The following DLGAP1 variants were observed in gnomAD, a reference collection of about 807,000 sequenced individuals.
DLGAP1 encodes the protein DLG associated protein 1, also known as disks large-associated protein 1.
DLGAP1 carries 11 observed loss-of-function variants against 90.8 expected under a neutral mutation model. That is an observed-to-expected ratio of 0.12 (90% CI 0.08 to 0.20). The LOEUF is 0.20. Ranked by LOEUF, DLGAP1 falls within the 10% of genes least tolerant of loss-of-function variation. The pLI, the probability that DLGAP1 is intolerant of heterozygous loss-of-function variation, is 1.00. For synonymous variants in DLGAP1, 558 were observed against 540.7 expected (o/e 1.03, Z -0.44); for missense variants, 1,050 against 1,333.8 (o/e 0.79, Z 3.31).
intron 3 of DLGAP1, among the ~76,000 whole-genome samples, chr18:3,941,885 T>A (rs1003095068): frequency 6.6e-6 from 1 of 152,130 alleles, no homozygotes; most frequent in Non-Finnish European, 1.5e-5. Context: ...GCTAATTTTT[T>A]AAATTTTTTG....
chr18:3,845,248 C>T lies in DLGAP1; in HGVS notation c.958-30975G>A, dbSNP rs1035263300. On this transcript the variant is annotated intron_variant, in intron 4 of 12. Coordinates refer to ENST00000315677, the MANE Select transcript of DLGAP1 (RefSeq NM_004746.4). ...TTAGCTTACCTTATTAGCTGGAATG[C>T]CAAACAGAATGTCTTTATGGAAAAT... 42 of 1,612,746 alleles carry T rather than the reference C, an allele frequency of 2.6e-5. 1 individual carries two copies. The highest frequency in any genetic ancestry group is 3.0e-5 in the Non-Finnish European group (35 of 1,179,292).
intron 3 of DLGAP1, among the ~76,000 whole-genome samples, chr18:3,999,832 G>C (rs1337343871): frequency 1.3e-5 from 2 of 152,102 alleles, no homozygotes; most frequent in Non-Finnish European, 2.9e-5. Flanking sequence ...TTCTTTCTGA[G>C]ACAGGGTCTC....
chr18:3,694,491 A>G (rs999832193), intron 7 of DLGAP1, among the ~76,000 whole-genome samples: 1 of 152,160 alleles, frequency 6.6e-6, no homozygotes, highest in African/African-American at 2.4e-5. Context: ...CTAATTTACA[A>G]TCCCACCAAC....
chr18:3,503,003 C>T (rs928141879), intron 11 of DLGAP1, among the ~76,000 whole-genome samples: 4 of 151,324 alleles, frequency 2.6e-5, no homozygotes, highest in African/African-American at 9.7e-5. Context: ...AAAAAAAATA[C>T]AGTGTATTAT....
intron 4 of DLGAP1, among the ~76,000 whole-genome samples, chr18:3,839,480 T>C (rs898706471): frequency 1.3e-5 from 2 of 152,072 alleles, no homozygotes; most frequent in South Asian, 2.1e-4. Context: ...TCTTGGGACT[T>C]GAGTGATGGG....
At chr18:3,513,583 A>G (rs1288761239) in intron 10 of DLGAP1, among the ~76,000 whole-genome samples, 1 of 152,248 alleles carries the variant, frequency 6.6e-6, no homozygotes, top group Non-Finnish European at 1.5e-5. Flanking sequence ...AGCAAAGCAC[A>G]TCCATCTACC....
intron 7 of DLGAP1, among the ~76,000 whole-genome samples, chr18:3,591,031 A>G (rs1180866165): frequency 2.6e-5 from 4 of 152,184 alleles, no homozygotes; most frequent in African/African-American, 4.8e-5. Context: ...TCTTTCTAGT[A>G]ATTCTTTTTT....
At chr18:3,736,462 T>C (rs1036645975) in intron 6 of DLGAP1, among the ~76,000 whole-genome samples, 5 of 152,336 alleles carry the variant, frequency 3.3e-5, no homozygotes, top group African/African-American at 7.2e-5. Flanking sequence ...CTCCTTGGTG[T>C]ACTCAACTTT....
At chr18:4,240,894 T>A (rs1469658164) in intron 1 of DLGAP1, among the ~76,000 whole-genome samples, 1 of 152,254 alleles carries the variant, frequency 6.6e-6, no homozygotes, top group African/African-American at 2.4e-5. Flanking sequence ...CAATTTCATT[T>A]TGGCTAAATG....
At chr18:3,580,385 C>G in intron 8 of DLGAP1, 3 of 1,613,884 alleles carry the variant, frequency 1.9e-6, no homozygotes, top group Middle Eastern at 1.7e-4. Flanking sequence ...GAGCCACATA[C>G]CTAAGCACCA....
chr18:3,746,117 C>T (rs183467364), intron 5 of DLGAP1, among the ~76,000 whole-genome samples: 2 of 152,098 alleles, frequency 1.3e-5, no homozygotes, highest in African/African-American at 2.4e-5. Context: ...ATATTGCAAA[C>T]GTGGCAGTTG....
chr18:4,399,934 C>G (rs754303213), intron 1 of DLGAP1, among the ~76,000 whole-genome samples: 57 of 152,072 alleles, frequency 3.7e-4, no homozygotes, highest in Non-Finnish European at 8.8e-5. Context: ...GGAAAAAAAG[C>G]TAGGTATGTC....
chr18:3,573,338 C>T (rs565578095), intron 8 of DLGAP1, among the ~76,000 whole-genome samples: 1 of 152,148 alleles, frequency 6.6e-6, no homozygotes. Context: ...CCCGTCTCTA[C>T]TAAAAATACA....
intron 4 of DLGAP1, among the ~76,000 whole-genome samples, chr18:3,823,834 C>A (rs912332589): frequency 6.6e-6 from 1 of 151,402 alleles, no homozygotes; most frequent in Non-Finnish European, 1.5e-5. Flanking sequence ...CCTGTAATCC[C>A]AGCTACTCAG....
chr18:3,557,558 A>G (rs908779525), intron 9 of DLGAP1, among the ~76,000 whole-genome samples: 1 of 151,944 alleles, frequency 6.6e-6, no homozygotes, highest in African/African-American at 2.4e-5. Flanking sequence ...TTATTTCAAA[A>G]TATTTAGTTT....
intron 7 of DLGAP1, among the ~76,000 whole-genome samples, chr18:3,604,583 A>G (rs1188096713): frequency 6.6e-6 from 1 of 152,144 alleles, no homozygotes; most frequent in Non-Finnish European, 1.5e-5. Flanking sequence ...CCCGAGTTCA[A>G]GCCAAAACTC....
intron 1 of DLGAP1, among the ~76,000 whole-genome samples, chr18:4,226,966 C>G (rs1317902297): frequency 6.6e-6 from 1 of 151,658 alleles, no homozygotes; most frequent in African/African-American, 2.4e-5. Context: ...ACAAGAAGGG[C>G]ACTTCACCTA....
In DLGAP1 at chr18:3,914,505, C is replaced by T. The variant is rs576533161; in HGVS notation, c.-72-34365G>A. Among the ~76,000 whole-genome samples, 7 of 152,272 alleles carry T rather than the reference C, an allele frequency of 4.6e-5. No homozygotes were observed. The South Asian group carries it at 1.0e-3, about 23-fold the overall frequency. On this transcript the variant is annotated intron_variant, in intron 3 of 12. Coordinates refer to ENST00000315677, the MANE Select transcript of DLGAP1 (RefSeq NM_004746.4). ...CTTGTGAATAACCCTGCAGTGAACA[C>T]GGGGTGCAGCTCTCCCTTCAACTAC... is the stretch of plus-strand genomic sequence containing the variant.
chr18:3,553,590 A>G (rs2053594716), intron 9 of DLGAP1, among the ~76,000 whole-genome samples: 1 of 152,014 alleles, frequency 6.6e-6, no homozygotes, highest in Admixed American at 6.6e-5. Context: ...ATGGAGTGCA[A>G]TTGCGTGATC....
Sources: allele counts gnomAD v4.1 joint callset (sites outside exome capture counted in the v4.1 genomes callset), GRCh38; gene constraint gnomAD v4.1.1; transcripts MANE v1.5; gene names NCBI Gene and HGNC (gene_info 2026-07-23, HGNC 2026-07-21).